Variants in ADAMTSL1 observed in about 807,000 individuals in gnomAD.
The protein encoded by ADAMTSL1 is ADAMTS like 1.
A neutral mutation model predicts 201.8 loss-of-function variants in ADAMTSL1; 126 were observed. The observed-to-expected ratio is 0.62, with a 90% confidence interval of 0.54 to 0.72. The LOEUF is 0.72. ADAMTSL1 is among the 30% of genes least tolerant of loss of function. The pLI is 0.00. For missense variants in ADAMTSL1, 2,679 were observed against 2,277.8 expected (o/e 1.18, Z -3.59); for synonymous variants, 1,121 against 903.4 (o/e 1.24, Z -4.32).
At chr9:18,375,915 G>GT (rs1383383499) in intron 2 of ADAMTSL1, among the ~76,000 whole-genome samples, 3 of 151,970 alleles carry the variant, frequency 2.0e-5, no homozygotes, top group Non-Finnish European at 1.5e-5. Context: ...TGATTGGTGT[G>GT]TTTTTACAGA....
intron 1 of ADAMTSL1, among the ~76,000 whole-genome samples, chr9:18,069,556 G>A (rs1183298154): frequency 6.6e-6 from 1 of 152,136 alleles, no homozygotes; most frequent in South Asian, 2.1e-4. Flanking sequence ...CCATTAACTT[G>A]ATTTCAAAGC....
chr9:18,661,830 G>A, intron 8 of ADAMTSL1, 105 bp from the exon 9 acceptor site: 1 of 1,190,212 alleles, frequency 8.4e-7, no homozygotes, highest in Non-Finnish European at 1.1e-6. Flanking sequence ...AATGACTAAG[G>A]CATTGGGGAA....
intron 1 of ADAMTSL1, among the ~76,000 whole-genome samples, chr9:17,918,930 T>C (rs377011795): frequency 6.6e-6 from 1 of 151,952 alleles, no homozygotes; most frequent in African/African-American, 2.4e-5. Flanking sequence ...AATGACCTTC[T>C]CTATCCCTAG....
At chr9:18,179,981 A>C (rs1416398606) in intron 2 of ADAMTSL1, among the ~76,000 whole-genome samples, 6 of 152,142 alleles carry the variant, frequency 3.9e-5, no homozygotes, top group African/African-American at 9.7e-5. Flanking sequence ...CAAGCAAAAT[A>C]ACCAGCTAAC....
chr9:18,207,140 G>T (rs972893507), intron 2 of ADAMTSL1, among the ~76,000 whole-genome samples: 2 of 151,774 alleles, frequency 1.3e-5, no homozygotes, highest in Non-Finnish European at 2.9e-5. Context: ...ACTCCAGCCT[G>T]GGTGATAAGA....
At position 18,703,410 on chromosome 9, in the gene ADAMTSL1, G is replaced by A. The variant is rs1287370186; in HGVS notation, c.1575-3337G>A. On this transcript the variant is annotated intron_variant, in intron 13 of 28. Coordinates refer to ENST00000380548, the MANE Select transcript of ADAMTSL1 (RefSeq NM_001040272.6). ...TTGCACTATCAGATATTTTTCTTTT[G>A]AAACATAATCTCCTGCCTTCAACAA... is the stretch of plus-strand genomic sequence containing the variant. Among the ~76,000 whole-genome samples the A allele has an allele frequency of 2.0e-5, 3 of 151,906 alleles. No individual in the cohort carries two copies. The East Asian group carries it at 5.8e-4, about 29-fold the overall frequency.
chr9:18,097,220 G>T (rs1824290576), intron 1 of ADAMTSL1, among the ~76,000 whole-genome samples: 1 of 152,140 alleles, frequency 6.6e-6, no homozygotes. Flanking sequence ...CTTTGGTGTA[G>T]GATAACATTT....
chr9:18,347,456 A>G (rs1205560390), intron 2 of ADAMTSL1, among the ~76,000 whole-genome samples: 2 of 152,174 alleles, frequency 1.3e-5, no homozygotes, highest in Non-Finnish European at 2.9e-5. Flanking sequence ...TTGGAGTATC[A>G]TGTCAAAATG....
At chr9:18,709,342 G>A (rs1296684226) in intron 14 of ADAMTSL1, among the ~76,000 whole-genome samples, 1 of 152,080 alleles carries the variant, frequency 6.6e-6, no homozygotes, top group Admixed American at 6.6e-5. Flanking sequence ...CACCCACAAG[G>A]TTATATATAT....
intron 24 of ADAMTSL1, among the ~76,000 whole-genome samples, 200 bp downstream of exon 24, chr9:18,888,243 A>G (rs1829026334): frequency 6.6e-6 from 1 of 152,162 alleles, no homozygotes; most frequent in African/African-American, 2.4e-5. Flanking sequence ...GCCCCATCCC[A>G]GCAGAACCTG....
Position 18,510,199 on chromosome 9 carries a change from G to C in ADAMTSL1, c.191+5243G>C, listed in dbSNP as rs556559305. Among the ~76,000 whole-genome samples the C allele has an allele frequency of 2.0e-5, 3 of 152,254 alleles. No homozygotes were observed. The East Asian group carries it at 5.8e-4, about 29-fold the overall frequency. ...TGATTATTCTATTCCCAATATGAAA[G>C]AAATGTAAAGGGAGGTAGATTACTT... On this transcript the variant is annotated intron_variant, in intron 2 of 28. Transcript: ENST00000380548.
intron 1 of ADAMTSL1, among the ~76,000 whole-genome samples, chr9:18,088,213 T>C (rs768497820): frequency 8.5e-5 from 13 of 152,162 alleles, no homozygotes; most frequent in Non-Finnish European, 1.6e-4. Context: ...ACAAATGAAA[T>C]TGTATCTCTA....
chr9:18,897,298 G>C (rs1420835458), intron 26 of ADAMTSL1, among the ~76,000 whole-genome samples: 1 of 152,158 alleles, frequency 6.6e-6, no homozygotes, highest in Non-Finnish European at 1.5e-5. Flanking sequence ...GGACTGCCAG[G>C]AGAGTCCAGG....
intron 9 of ADAMTSL1, among the ~76,000 whole-genome samples, chr9:18,669,752 G>A (rs1275957733): frequency 1.3e-5 from 2 of 152,106 alleles, no homozygotes; most frequent in African/African-American, 2.4e-5. Flanking sequence ...CTAGGAAGGG[G>A]CAGGTAAGAT....
chr9:18,431,881 A>G (rs981130765), intron 2 of ADAMTSL1, among the ~76,000 whole-genome samples: 2 of 152,208 alleles, frequency 1.3e-5, no homozygotes, highest in African/African-American at 4.8e-5. Flanking sequence ...ATATCTATAT[A>G]GGCTGGGTTG....
chr9:18,242,950 C>G (rs897571315), intron 2 of ADAMTSL1, among the ~76,000 whole-genome samples: 4 of 152,090 alleles, frequency 2.6e-5, no homozygotes, highest in Non-Finnish European at 4.4e-5. Flanking sequence ...AATGCAACAT[C>G]TATCAAAATC....
In ADAMTSL1 at chr9:18,241,444, A is replaced by T. The variant is rs1015142859; in HGVS notation, c.207+77463A>T. On this transcript the variant is annotated intron_variant, in intron 2 of 29. Coordinates refer to the ADAMTSL1 transcript ENST00000680146. ...CCATCAATGATATCTTGTCCAGGTT[A>T]TCATTTATCTTGCCTTTTGCAGTAG... 1.4e-4 allele frequency among the ~76,000 whole-genome samples: 22 copies of T among 152,126 alleles called. 1 individual carries two copies. The highest frequency in any genetic ancestry group is 1.4e-3 in the Admixed American group (21 of 15,262).
chr9:18,782,832 C>T (rs1017655730), intron 19 of ADAMTSL1, among the ~76,000 whole-genome samples: 6 of 152,080 alleles, frequency 3.9e-5, no homozygotes, highest in African/African-American at 1.4e-4. Context: ...GTGCGAAAAC[C>T]CTAAAGCGAC....
At chr9:18,181,527 C>A (rs1284970320) in intron 2 of ADAMTSL1, among the ~76,000 whole-genome samples, 3 of 151,854 alleles carry the variant, frequency 2.0e-5, no homozygotes, top group African/African-American at 7.3e-5. Context: ...CCAAAAAACA[C>A]ATGAAAAAAT....
Sources: gnomAD v4.1 joint callset for allele counts (sites outside exome capture counted in the v4.1 genomes callset) on GRCh38, gnomAD v4.1.1 for gene constraint, MANE v1.5 for transcripts, NCBI Gene and HGNC (gene_info 2026-07-23, HGNC 2026-07-21) for gene names.